The following OSBPL5 variants were observed in gnomAD, a reference collection of about 807,000 sequenced individuals.
OSBPL5 encodes oxysterol-binding protein-related protein 5.
Under a neutral mutation model 111.2 loss-of-function variants are expected in OSBPL5, and 71 were observed. That is an observed-to-expected ratio of 0.64 (90% CI 0.53 to 0.78). OSBPL5 has a LOEUF of 0.78. Among genes scored for constraint, OSBPL5 ranks in the 30% least tolerant of loss-of-function variants. OSBPL5 has a pLI of 0.00. For synonymous variants in OSBPL5, 549 were observed against 513.9 expected, an observed-to-expected ratio of 1.07 and a Z score of -0.93; for missense variants, 1,210 against 1,189.3, an observed-to-expected ratio of 1.02 and a Z score of -0.26.
intron 1 of OSBPL5, 89 bp from the exon 2 acceptor site, chr11:3,129,258 T>G: frequency 5.8e-6 from 7 of 1,209,408 alleles, no homozygotes; most frequent in Admixed American, 3.8e-5. Flanking sequence ...GGCTAAGAAG[T>G]CCCCCTCTCA....
chr11:3,124,177 G>A (rs977625013), intron 3 of OSBPL5, among the ~76,000 whole-genome samples: 3 of 152,194 alleles, frequency 2.0e-5, no homozygotes, highest in Non-Finnish European at 4.4e-5. Flanking sequence ...TCAGAAACCT[G>A]CCCAAGGTCA....
At chr11:3,131,619 CTGT>C (rs1845786637) in intron 1 of OSBPL5, among the ~76,000 whole-genome samples, 1 of 31,228 alleles carries the variant, frequency 3.2e-5, no homozygotes, top group Non-Finnish European at 9.3e-5. Context: ...ATTCATCCAT[CTGT>C]CTATTCATCC....
intron 14 of OSBPL5, among the ~76,000 whole-genome samples, chr11:3,098,461 C>T (rs1857346695): frequency 7.8e-6 from 1 of 128,922 alleles, no homozygotes; most frequent in African/African-American, 2.7e-5. Context: ...AAAAAGAAAT[C>T]CAGAGCTATC....
intron 1 of OSBPL5, among the ~76,000 whole-genome samples, chr11:3,155,772 T>C (rs1846740370): frequency 6.6e-6 from 1 of 152,276 alleles, no homozygotes; most frequent in African/African-American, 2.4e-5. Flanking sequence ...TTTGTGGAGA[T>C]GCCGCGGGTC....
At chr11:3,159,813 A>G (rs567207637) in intron 1 of OSBPL5, among the ~76,000 whole-genome samples, 261 of 152,134 alleles carry the variant, frequency 1.7e-3, no homozygotes, top group African/African-American at 5.8e-3. Flanking sequence ...TCACCCACAC[A>G]ATGGCTGATG....
rs925363704 is a variant in OSBPL5, at chr11:3,142,422, C to G, written c.-21-13253G>C. On this transcript the variant is annotated intron_variant, in intron 1 of 21. Transcript: ENST00000263650. The surrounding 1 kb of genome is among the most constrained non-coding windows in gnomAD (Gnocchi z 7.1). ...CTGGGAAGCCCCTACCTCTCCACCA[C>G]GACCCCTCCATGCCCTGCTGCCACA... 6.6e-6 allele frequency among the ~76,000 whole-genome samples: 1 copy of G among 152,214 alleles called. No individual in the cohort carries two copies. The highest frequency in any genetic ancestry group is 6.5e-5 in the Admixed American group (1 of 15,286).
rs1846708788 is a variant in OSBPL5, at chr11:3,154,936, G to C, written c.-22+10280C>G. Reference sequence around the variant, plus strand: ...ATAATAATAATAATAATAATAAAAAGAGCCCATTAAATTAAAACAGGTCAT... The same window carrying C: ...ATAATAATAATAATAATAATAAAAACAGCCCATTAAATTAAAACAGGTCAT... On this transcript the variant is annotated intron_variant, in intron 1 of 21. Coordinates refer to ENST00000263650, the MANE Select transcript of OSBPL5 (RefSeq NM_020896.4). The surrounding 1 kb of genome is among the most constrained non-coding windows in gnomAD (Gnocchi z 4.9). Among the ~76,000 whole-genome samples the C allele has an allele frequency of 6.9e-6, 1 of 144,520 alleles. No individual in the cohort carries two copies. The highest frequency in any genetic ancestry group is 2.2e-4 in the South Asian group (1 of 4,608). The allele number at this position is 144,520 out of a possible 152,430, so 94.8% of individuals were successfully genotyped here. A position where few individuals can be genotyped will look rare whatever the true frequency, so the allele number is the denominator to read the frequency against.
Position 3,105,405 on chromosome 11 carries a change from A to G in OSBPL5, c.1060-1028T>C, listed in dbSNP as rs1857658653. ...CAGTGGACAGTGTGTGTGGACACCC[A>G]GGAGCCATGTCTGACCCCATGAGGG... On this transcript the variant is annotated intron_variant, in intron 9 of 21. Coordinates refer to ENST00000263650, the MANE Select transcript of OSBPL5 (RefSeq NM_020896.4). The surrounding 1 kb of genome is among the most constrained non-coding windows in gnomAD (Gnocchi z 5.2). 1.3e-5 allele frequency among the ~76,000 whole-genome samples: 2 copies of G among 152,082 alleles called. No individual in the cohort carries two copies. The highest frequency in any genetic ancestry group is 1.3e-4 in the Admixed American group (2 of 15,280).
intron 21 of OSBPL5, 52 bp from the exon 22 acceptor site, chr11:3,088,395 C>G: frequency 2.1e-6 from 3 of 1,460,686 alleles, no homozygotes; most frequent in Non-Finnish European, 2.7e-6. Flanking sequence ...CAGCAAGTCC[C>G]CCTCCCACAA....
At chr11:3,094,181 C>T (rs931172444) in intron 15 of OSBPL5, 56 bp downstream of exon 15, 4 of 1,538,616 alleles carry the variant, frequency 2.6e-6, no homozygotes, top group South Asian at 2.3e-5. Context: ...GAGGGGGATC[C>T]CCAAGGCTTC....
chr11:3,101,135 C>T (rs560477594), intron 13 of OSBPL5, among the ~76,000 whole-genome samples: 23 of 152,000 alleles, frequency 1.5e-4, no homozygotes, highest in Admixed American at 1.0e-3. Context: ...CCACCATGCC[C>T]GGCTAACTTT....
intron 7 of OSBPL5, among the ~76,000 whole-genome samples, chr11:3,108,827 G>A (rs562006738): frequency 6.6e-6 from 1 of 152,200 alleles, no homozygotes; most frequent in East Asian, 1.9e-4. Context: ...GGAGCACAAT[G>A]GCACGATCTC....
At chr11:3,095,310 CA>C (rs60973769) in intron 14 of OSBPL5, among the ~76,000 whole-genome samples, 4,821 of 105,558 alleles carry the variant, frequency 0.046, 161 homozygotes, top group African/African-American at 0.12. Context: ...GACTCTGTCT[CA>C]AAAAAAAAAA....
intron 1 of OSBPL5, among the ~76,000 whole-genome samples, chr11:3,143,338 C>T (rs186122478): frequency 1.1e-4 from 16 of 152,032 alleles, no homozygotes; most frequent in African/African-American, 1.9e-4. Flanking sequence ...GCACTGTGGG[C>T]GAAAACGCAC....
rs1056848218 is a variant in OSBPL5, at chr11:3,126,990, C to T, written c.137-435G>A. Among the ~76,000 whole-genome samples, 1 of 152,208 alleles carries T rather than the reference C, an allele frequency of 6.6e-6. No homozygotes were observed. Among genetic ancestry groups the T allele is most frequent in the South Asian group, 2.1e-4 (1 of 4,834 alleles). On this transcript the variant is annotated intron_variant, in intron 2 of 21. Transcript: ENST00000263650. The surrounding 1 kb of genome is among the most constrained non-coding windows in gnomAD (Gnocchi z 6.5). ...GCTGCCGGCCCCTGCGTGCTGGGCT[C>T]TTGCTGGGAGGTGGTCAGCCCTGTC...
chr11:3,140,063 G>T lies in OSBPL5; in HGVS notation c.-21-10894C>A, dbSNP rs752858096. 2.0e-5 allele frequency among the ~76,000 whole-genome samples: 3 copies of T among 152,246 alleles called. No individual in the cohort carries two copies. Among genetic ancestry groups the T allele is most frequent in the Non-Finnish European group, 2.9e-5 (2 of 68,032 alleles). ...CACTGCTCGGCTGTGCAGCCTGGGA[G>T]GGGGGTGTGCAGTGGTCCGCCAAGC... On this transcript the variant is annotated intron_variant, in intron 1 of 21. Coordinates refer to ENST00000263650, the MANE Select transcript of OSBPL5 (RefSeq NM_020896.4). The surrounding 1 kb of genome is among the most constrained non-coding windows in gnomAD (Gnocchi z 4.5).
chr11:3,125,453 G>A (rs1230641377), intron 3 of OSBPL5, among the ~76,000 whole-genome samples: 2 of 152,164 alleles, frequency 1.3e-5, no homozygotes, highest in Non-Finnish European at 2.9e-5. Flanking sequence ...AATGTTATCC[G>A]TCATTAGAGA....
intron 1 of OSBPL5, among the ~76,000 whole-genome samples, chr11:3,135,029 G>A (rs1011630962): frequency 1.3e-5 from 2 of 152,224 alleles, no homozygotes; most frequent in African/African-American, 4.8e-5. Context: ...GCTTCTGCCT[G>A]GCCCTCTGCA....
chr11:3,107,344 G>A lies in OSBPL5; in HGVS notation c.978C>T (p.Gly326=). The A allele has an allele frequency of 6.2e-7, 1 of 1,614,012 alleles. No individual in the cohort carries two copies. The highest frequency in any genetic ancestry group is 8.5e-7 in the Non-Finnish European group (1 of 1,179,978). ...TQDHSRKTES[G]SDQSETPGAP... ...CCCCAGGGGTCTCTGACTGGTCGCT[G>A]CCACTCTCCGTCTTCCGGCTATGGT... Residue 326 remains glycine, a synonymous_variant, in exon 9 of 22, where the codon GGC becomes GGT. Transcript: ENST00000263650. The surrounding 1 kb of genome is among the most constrained non-coding windows in gnomAD (Gnocchi z 6.1).
Sources: allele counts gnomAD v4.1 joint callset (sites outside exome capture counted in the v4.1 genomes callset), GRCh38; gene constraint gnomAD v4.1.1; non-coding constraint Gnocchi (gnomAD v3.1); transcripts MANE v1.5; gene names NCBI Gene and HGNC (gene_info 2026-07-23, HGNC 2026-07-21).